The following DAB1 variants were observed in gnomAD, a reference collection of about 807,000 sequenced individuals.
DAB1 encodes disabled homolog 1.
In DAB1, 15 loss-of-function variants were observed where a neutral mutation model predicts 64.6. The ratio of observed to expected loss-of-function variants is 0.23; its 90% CI spans 0.16 to 0.36. The LOEUF (loss-of-function observed/expected upper bound fraction) is 0.36, where lower values mean the gene tolerates loss of function less well. Among genes scored for constraint, DAB1 ranks in the 10% least tolerant of loss-of-function variants. The pLI is 1.00. For synonymous variants in DAB1, 235 were observed against 251.9 expected, an observed-to-expected ratio of 0.93 and a Z score of 0.64; for missense variants, 596 against 706.7, an observed-to-expected ratio of 0.84 and a Z score of 1.78.
At chr1:57,742,207 AG>A (rs1648035943) in intron 6 of DAB1, among the ~76,000 whole-genome samples, 2 of 152,314 alleles carry the variant, frequency 1.3e-5, no homozygotes, top group Admixed American at 1.3e-4. Context: ...AGCCTAGGAA[AG>A]GCCTTGGAGA....
At chr1:58,036,526 C>A (rs149951745) in intron 5 of DAB1, among the ~76,000 whole-genome samples, 1 of 152,308 alleles carries the variant, frequency 6.6e-6, no homozygotes, top group African/African-American at 2.4e-5. Context: ...TACTTTATCA[C>A]AATCCACCAA....
chr1:58,357,308 T>TA (rs1414619804), intron 3 of DAB1, among the ~76,000 whole-genome samples: 1 of 152,080 alleles, frequency 6.6e-6, no homozygotes, highest in Admixed American at 6.6e-5. Flanking sequence ...AACTGGCTGA[T>TA]AAATTGAGTG....
rs1232983769 is a variant in DAB1 at position 57,906,746 on chromosome 1, C to T, written n.388-22584G>A. ...GAGAGAACCTTGTTATGTTAAGATT[C>T]CAGGTTCCTCTTCCCTAAACTTAGA... On this transcript the variant is annotated intron_variant and non_coding_transcript_variant, in intron 5 of 20. Coordinates refer to the DAB1 transcript ENST00000485760. Among the ~76,000 whole-genome samples the T allele has an allele frequency of 2.6e-5, 4 of 152,062 alleles. No homozygotes were observed. In the East Asian group the frequency reaches 5.8e-4, roughly 22 times the overall value.
At chr1:57,051,625 A>AT (rs1649198838) in intron 9 of DAB1, among the ~76,000 whole-genome samples, 1 of 152,168 alleles carries the variant, frequency 6.6e-6, no homozygotes, top group Admixed American at 6.5e-5. Context: ...GGGTGGCAAT[A>AT]TGAGAATCTT....
chr1:57,564,687 T>C (rs908462095), intron 7 of DAB1, among the ~76,000 whole-genome samples: 2 of 152,134 alleles, frequency 1.3e-5, no homozygotes, highest in African/African-American at 2.4e-5. Flanking sequence ...GTATCAGTGA[T>C]TGAAGATCAA....
At chr1:57,392,832 G>A (rs1006937028) in intron 1 of DAB1, among the ~76,000 whole-genome samples, 21 of 152,304 alleles carry the variant, frequency 1.4e-4, no homozygotes, top group South Asian at 6.2e-4. Flanking sequence ...GATGGGGACA[G>A]TAGAATGTCT....
intron 6 of DAB1, among the ~76,000 whole-genome samples, chr1:57,693,346 A>G (rs745480557): frequency 6.6e-6 from 1 of 151,710 alleles, no homozygotes; most frequent in Non-Finnish European, 1.5e-5. Flanking sequence ...TTTTCTCTCT[A>G]GCTAGAGTAT....
intron 3 of DAB1, among the ~76,000 whole-genome samples, chr1:58,492,694 C>G (rs1409859847): frequency 6.6e-6 from 1 of 152,158 alleles, no homozygotes; most frequent in African/African-American, 2.4e-5. Context: ...TGGACACATA[C>G]AGTCTCCCAA....
chr1:57,267,196 T>G (rs964553623), intron 2 of DAB1, among the ~76,000 whole-genome samples: 1 of 151,686 alleles, frequency 6.6e-6, no homozygotes, highest in African/African-American at 2.4e-5. Context: ...CAGAAAGAGA[T>G]GCAACCACCA....
intron 5 of DAB1, among the ~76,000 whole-genome samples, chr1:58,001,711 C>A (rs1454562549): frequency 6.6e-6 from 1 of 152,088 alleles, no homozygotes; most frequent in African/African-American, 2.4e-5. Flanking sequence ...TACTATGGAT[C>A]CAGTTTCTGA....
chr1:58,360,789 AT>A (rs1644157374), intron 3 of DAB1, among the ~76,000 whole-genome samples: 1 of 152,204 alleles, frequency 6.6e-6, no homozygotes, highest in African/African-American at 2.4e-5. Context: ...TGATATAAAA[AT>A]AATATATATT....
intron 1 of DAB1, among the ~76,000 whole-genome samples, chr1:57,355,736 T>G (rs1283652429): frequency 6.6e-6 from 1 of 151,840 alleles, no homozygotes; most frequent in East Asian, 1.9e-4. Context: ...TTATTGGGAG[T>G]CATATGAAAT....
At chr1:57,403,903 TG>T (rs2101038248) in intron 1 of DAB1, among the ~76,000 whole-genome samples, 1 of 152,344 alleles carries the variant, frequency 6.6e-6, no homozygotes, top group East Asian at 1.9e-4. Flanking sequence ...CATGTGCTAG[TG>T]GCTACTATAT....
intron 3 of DAB1, among the ~76,000 whole-genome samples, chr1:58,477,016 C>T (rs533684848): frequency 7.4e-4 from 112 of 152,286 alleles, no homozygotes; most frequent in African/African-American, 2.6e-3. Flanking sequence ...TAACAGCTCC[C>T]TTTCCAAAGA....
chr1:57,950,706 T>C (rs1645260044), intron 5 of DAB1, among the ~76,000 whole-genome samples: 1 of 152,206 alleles, frequency 6.6e-6, no homozygotes, highest in Admixed American at 6.5e-5. Flanking sequence ...TGTCATCTGA[T>C]TATCTCCTAT....
At chr1:58,534,013 A>T in intron 1 of DAB1, 1 of 871,802 alleles carries the variant, frequency 1.1e-6, no homozygotes, top group Non-Finnish European at 2.0e-6. Flanking sequence ...GTTGATGAAT[A>T]TCGGTTACAC....
intron 4 of DAB1, among the ~76,000 whole-genome samples, chr1:58,179,310 T>C (rs1344458663): frequency 2.6e-5 from 4 of 152,140 alleles, no homozygotes; most frequent in Non-Finnish European, 5.9e-5. Context: ...TCTTGTAATA[T>C]CTTTTTCTGA....
intron 5 of DAB1, among the ~76,000 whole-genome samples, chr1:57,932,652 T>A (rs1644970410): frequency 6.6e-6 from 1 of 152,166 alleles, no homozygotes; most frequent in Admixed American, 6.5e-5. Context: ...GATCATTATG[T>A]CTTCTTGGAG....
At chr1:57,018,421 T>C (rs910908420) in intron 11 of DAB1, among the ~76,000 whole-genome samples, 2 of 152,250 alleles carry the variant, frequency 1.3e-5, no homozygotes, top group African/African-American at 4.8e-5. Context: ...TAAATACATA[T>C]ATTTTTATTA....
Sources: allele counts gnomAD v4.1 joint callset (sites outside exome capture counted in the v4.1 genomes callset), GRCh38; gene constraint gnomAD v4.1.1; transcripts MANE v1.5; gene names NCBI Gene and HGNC (gene_info 2026-07-23, HGNC 2026-07-21).